Variants in ASXL2 observed in about 807,000 individuals in gnomAD.
ASXL2 encodes the protein ASXL transcriptional regulator 2, also known as putative Polycomb group protein ASXL2.
A neutral mutation model predicts 122.0 loss-of-function variants in ASXL2; 23 were observed. That is an observed-to-expected ratio of 0.19 (90% confidence interval 0.14 to 0.27). ASXL2 has a LOEUF of 0.27. Ranked by LOEUF, ASXL2 falls within the 10% of genes least tolerant of loss-of-function variation. The pLI is 1.00. For synonymous variants in ASXL2, 650 were observed against 637.0 expected, an observed-to-expected ratio of 1.02 and a Z score of -0.31; for missense variants, 1,518 against 1,713.8, an observed-to-expected ratio of 0.89 and a Z score of 2.02.
rs1206043058 is a variant in ASXL2, at chr2:25,736,605, T to G, written c.*5424A>C. 6.6e-6 allele frequency: 1 copy of G among 151,200 alleles called. No homozygotes were observed. The highest frequency in any genetic ancestry group is 1.5e-5 in the Non-Finnish European group (1 of 67,892). The allele number at this position is 151,200 out of a possible 1,614,324, so 9.4% of individuals were successfully genotyped here. ...ACAACCCAGATACTTGACATTCCAG[T>G]ATCTGAAAAATAAAAACTGTCTTTT... is the stretch of plus-strand genomic sequence containing the variant. On this transcript the variant is annotated 3_prime_UTR_variant, in exon 13 of 13. Coordinates refer to ENST00000435504, the MANE Select transcript of ASXL2 (RefSeq NM_018263.6).
rs548343899 is a variant in ASXL2 at position 25,742,363 on chromosome 2, G to C, written c.3974C>G (p.Pro1325Arg). The change falls in exon 13 of 13, where the codon CCA becomes CGA. Residue 1325 changes from proline to arginine, a missense_variant. Physicochemically the swap from Pro to Arg is moderately radical, Grantham distance 103. Transcript: ENST00000435504. ...GACATTGATCATGCCTCTATAGCTT[G>C]GCCCTATCTGGGTGGGGCTTCCATA... is the stretch of plus-strand genomic sequence containing the variant. Reference protein sequence around the residue: ...KLYGSPTQIGPSYRGMINVST... With the variant: ...KLYGSPTQIGRSYRGMINVST... The C allele has an allele frequency of 8.0e-5, 129 of 1,611,980 alleles. No individual in the cohort carries two copies. Among genetic ancestry groups the C allele is most frequent in the Non-Finnish European group, 1.0e-4 (122 of 1,179,374 alleles).
At chr2:25,860,097 G>C (rs769646762) in intron 1 of ASXL2, among the ~76,000 whole-genome samples, 2 of 152,034 alleles carry the variant, frequency 1.3e-5, no homozygotes, top group Admixed American at 1.3e-4. Context: ...CGAGGCGGCC[G>C]GATCACCTGA....
intron 5 of ASXL2, among the ~76,000 whole-genome samples, chr2:25,780,836 C>T (rs190264486): frequency 1.1e-4 from 16 of 151,924 alleles, no homozygotes; most frequent in African/African-American, 3.6e-4. Context: ...GCCTGTAGTC[C>T]CAGCACTTTG....
chr2:25,822,289 C>G (rs565944236), intron 3 of ASXL2, among the ~76,000 whole-genome samples: 1 of 152,336 alleles, frequency 6.6e-6, no homozygotes, highest in African/African-American at 2.4e-5. Context: ...GCTCTTTCTG[C>G]GCGGTGCATT....
At position 25,750,119 on chromosome 2, in the gene ASXL2, G is replaced by A; in HGVS notation, c.1437C>T (p.Pro479=). The change falls in exon 12 of 13, where the codon CCC becomes CCT. Residue 479 remains proline (P), a synonymous_variant. Transcript: ENST00000435504. ...LNTHELSSIL[P]IKCPKDEDLL... Reference sequence around the variant, plus strand: ...GATCCTCATCCTTTGGGCACTTGATGGGAAGAATGCTGCTAAGCTCATGTG... The same window carrying A: ...GATCCTCATCCTTTGGGCACTTGATAGGAAGAATGCTGCTAAGCTCATGTG... The A allele has an allele frequency of 6.2e-7, 1 of 1,613,962 alleles. No individual in the cohort carries two copies. The highest frequency in any genetic ancestry group is 1.1e-5 in the South Asian group (1 of 91,080).
intron 3 of ASXL2, chr2:25,822,396 A>T (rs2089323043): frequency 4.3e-6 from 1 of 233,130 alleles, no homozygotes; most frequent in South Asian, 8.5e-5. Context: ...CACCGGAGAG[A>T]AGTCGACTCC....
At chr2:25,769,036 T>G (rs575797325) in intron 6 of ASXL2, among the ~76,000 whole-genome samples, 168 bp from the exon 7 acceptor site, 7 of 152,272 alleles carry the variant, frequency 4.6e-5, no homozygotes, top group Admixed American at 1.3e-4. Flanking sequence ...TCTTGGCCTT[T>G]TGGCTAAGAT....
intron 5 of ASXL2, among the ~76,000 whole-genome samples, chr2:25,779,222 G>A (rs1218899317): frequency 1.3e-5 from 2 of 149,818 alleles, no homozygotes; most frequent in East Asian, 2.0e-4. Flanking sequence ...TCAGCCTCCC[G>A]AGTATCTGGG....
Position 25,742,601 on chromosome 2 carries a change from CCTTA to C in ASXL2, c.3732_3735del (p.Ser1244ArgfsTer17), listed in dbSNP as rs2087850736. 1 of 1,613,846 alleles carries C rather than the reference CCTTA, an allele frequency of 6.2e-7. No individual in the cohort carries two copies. The highest frequency in any genetic ancestry group is 8.5e-7 in the Non-Finnish European group (1 of 1,179,904). ...TGGCCTCTAGTGAACAGGTAATTCT[CCTTA>C]CTTAAAGTGGTTTGCTCATTCAATG... On this transcript the variant is annotated frameshift_variant, in exon 13 of 13. Transcript: ENST00000435504. LOFTEE classifies it high-confidence loss of function.
chr2:25,804,419 G>T (rs1047156878), intron 4 of ASXL2, among the ~76,000 whole-genome samples: 1 of 152,232 alleles, frequency 6.6e-6, no homozygotes, highest in Non-Finnish European at 1.5e-5. Context: ...TCATGTGGGC[G>T]AAGCCAAACC....
At chr2:25,821,391 A>AG (rs953725954) in intron 3 of ASXL2, among the ~76,000 whole-genome samples, 1 of 150,460 alleles carries the variant, frequency 6.6e-6, no homozygotes, top group African/African-American at 2.5e-5. Context: ...AAAGGAAAGG[A>AG]GGGAAAAAAA....
chr2:25,867,890 G>T (rs1440342541), intron 1 of ASXL2, among the ~76,000 whole-genome samples: 1 of 152,100 alleles, frequency 6.6e-6, no homozygotes. Flanking sequence ...GAATACCCAA[G>T]TCAAACCTTC....
chr2:25,828,787 T>C (rs1466414327), intron 3 of ASXL2, among the ~76,000 whole-genome samples: 1 of 127,026 alleles, frequency 7.9e-6, no homozygotes, highest in Admixed American at 9.6e-5. Flanking sequence ...ATCGCACCAT[T>C]GCACTCCAGC....
chr2:25,822,797 A>G, intron 3 of ASXL2: 1 of 565,436 alleles, frequency 1.8e-6, no homozygotes, highest in Non-Finnish European at 3.5e-6. Context: ...AACACTGGGA[A>G]GATGGTTCAG....
chr2:25,799,936 G>GGA (rs1323794931), intron 4 of ASXL2, among the ~76,000 whole-genome samples: 7 of 150,984 alleles, frequency 4.6e-5, no homozygotes. Context: ...TTTGAGACCA[G>GGA]GAGTTCAAGA....
intron 6 of ASXL2, 73 bp from the exon 7 acceptor site, chr2:25,768,941 T>G: frequency 6.7e-7 from 1 of 1,492,338 alleles, no homozygotes; most frequent in East Asian, 2.4e-5. Context: ...TACTTCTTTT[T>G]TAAATGGCAA....
At chr2:25,831,609 G>A (rs2089451796) in intron 3 of ASXL2, among the ~76,000 whole-genome samples, 1 of 150,526 alleles carries the variant, frequency 6.6e-6, no homozygotes, top group Non-Finnish European at 1.5e-5. Context: ...AGCTGAGATC[G>A]CACCACTGCA....
At chr2:25,817,565 G>T (rs924338295) in intron 3 of ASXL2, among the ~76,000 whole-genome samples, 3 of 152,024 alleles carry the variant, frequency 2.0e-5, no homozygotes, top group Non-Finnish European at 4.4e-5. Flanking sequence ...GGGGTTATCA[G>T]GCATCATTTC....
intron 3 of ASXL2, among the ~76,000 whole-genome samples, chr2:25,834,376 G>A (rs1394084385): frequency 6.6e-6 from 1 of 151,790 alleles, no homozygotes; most frequent in Non-Finnish European, 1.5e-5. Context: ...AAATAAATAA[G>A]AACAAATCAA....
Sources: allele counts gnomAD v4.1 joint callset (sites outside exome capture counted in the v4.1 genomes callset), GRCh38; gene constraint gnomAD v4.1.1; transcripts MANE v1.5; gene names NCBI Gene and HGNC (gene_info 2026-07-23, HGNC 2026-07-21).